Variants in CCND3 observed in about 807,000 individuals in gnomAD.
CCND3 encodes the protein cyclin D3.
CCND3 carries 9 observed loss-of-function variants against 28.7 expected under a neutral mutation model. That is an observed-to-expected ratio of 0.31 (90% confidence interval 0.19 to 0.55). CCND3 has a LOEUF of 0.55. Among genes scored for constraint, CCND3 ranks in the 20% least tolerant of loss-of-function variants. CCND3 has a pLI of 0.93. For missense variants in CCND3, 315 were observed against 385.8 expected, an observed-to-expected ratio of 0.82 and a Z score of 1.54; for synonymous variants, 164 against 163.9, an observed-to-expected ratio of 1.00 and a Z score of 0.00.
At position 42,048,192 on chromosome 6, in the gene CCND3, T is replaced by C; in HGVS notation, c.-46+309A>G. ...CACTGGTCTGCCCTCCTACTGGCCT[T>C]CCACCCCATCTTTGAGGCATGAGAA... On this transcript the variant is annotated intron_variant, in intron 1 of 4. Coordinates refer to the CCND3 transcript ENST00000372988. This position sits in a 1 kb window ranked among gnomAD's most constrained non-coding sequence, Gnocchi z 4.7. 4.4e-6 allele frequency: 1 copy of C among 228,290 alleles called. No homozygotes were observed. Among genetic ancestry groups the C allele is most frequent in the Non-Finnish European group, 8.8e-6 (1 of 114,062 alleles). 14.1% of individuals were successfully genotyped at this position (228,290 alleles called of 1,614,324 possible).
At chr6:42,043,832 T>A (rs1764443093) in intron 1 of CCND3, among the ~76,000 whole-genome samples, 1 of 152,070 alleles carries the variant, frequency 6.6e-6, no homozygotes, top group African/African-American at 2.4e-5. Flanking sequence ...CCAGCAACCG[T>A]CTCCTTCCAG....
intron 1 of CCND3, among the ~76,000 whole-genome samples, chr6:41,976,094 G>A (rs1277979651): frequency 6.6e-6 from 1 of 152,156 alleles, no homozygotes; most frequent in Non-Finnish European, 1.5e-5. Flanking sequence ...GCTCACACCT[G>A]TAATCCCAGC....
At position 41,938,480 on chromosome 6, in the gene CCND3, C is replaced by A. The variant is rs1172927709; in HGVS notation, c.415-1086G>T. On this transcript the variant is annotated intron_variant, in intron 2 of 4. Transcript: ENST00000372991. This position sits in a 1 kb window ranked among gnomAD's most constrained non-coding sequence, Gnocchi z 4.6. The stretch of plus-strand genomic sequence containing the variant: ...AGCCAGAAGTGAGACAGATAAATTA[C>A]AACGCTACCCCTAGTGCATGTCCCA... Among the ~76,000 whole-genome samples the A allele has an allele frequency of 3.3e-5, 5 of 152,142 alleles. No homozygotes were observed. Among genetic ancestry groups the A allele is most frequent in the African/African-American group, 1.2e-4 (5 of 41,414 alleles).
Position 41,941,148 on chromosome 6 carries a change from G to A in CCND3, c.198+304C>T, listed in dbSNP as rs1044232996. On this transcript the variant is annotated intron_variant, in intron 1 of 4. Coordinates refer to ENST00000372991, the MANE Select transcript of CCND3 (RefSeq NM_001760.5). This position sits in a 1 kb window ranked among gnomAD's most constrained non-coding sequence, Gnocchi z 6.1. Reference sequence around the variant, plus strand: ...CTCCGGAGAAGGCCGGGAGGCGGAGGGAAGCGGGAGACGCTGTGAGAAGCC... The same window carrying A: ...CTCCGGAGAAGGCCGGGAGGCGGAGAGAAGCGGGAGACGCTGTGAGAAGCC... The A allele has an allele frequency of 6.8e-7, 1 of 1,470,526 alleles. No homozygotes were observed. Among genetic ancestry groups the A allele is most frequent in the Non-Finnish European group, 9.0e-7 (1 of 1,116,082 alleles). The allele number at this position is 1,470,526 out of a possible 1,614,324, so 91.1% of individuals were successfully genotyped here.
In CCND3 at chr6:41,937,326, C is replaced by T. The variant is rs763464647; in HGVS notation, c.483G>A (p.Leu161=). The T allele has an allele frequency of 3.1e-6, 5 of 1,614,144 alleles. No individual in the cohort carries two copies. Among genetic ancestry groups the T allele is most frequent in the Non-Finnish European group, 4.2e-6 (5 of 1,180,028 alleles). Reference sequence around the variant, plus strand: ...GAGAGAGCCGGTGCAGAATGAAGGCCAGGAAATCATGTGCAATCACAGCAG... The same window carrying T: ...GAGAGAGCCGGTGCAGAATGAAGGCTAGGAAATCATGTGCAATCACAGCAG... ...DLAAVIAHDF[L]AFILHRLSLP... is the part of the protein sequence containing the mutation. The change falls in exon 3 of 5, where the codon CTG becomes CTA. Residue 161 remains leucine (L), a synonymous_variant. Transcript: ENST00000372991.
intron 1 of CCND3, among the ~76,000 whole-genome samples, chr6:41,963,040 C>A (rs1427935005): frequency 3.3e-5 from 5 of 152,184 alleles, no homozygotes; most frequent in Non-Finnish European, 7.3e-5. Context: ...CATGAGCCAC[C>A]ACGCCTGGCC....
intron 1 of CCND3, among the ~76,000 whole-genome samples, chr6:41,998,930 C>T (rs1044034959): frequency 9.2e-5 from 14 of 152,178 alleles, no homozygotes; most frequent in Admixed American, 3.3e-4. Context: ...CCGCCCGCCT[C>T]GGCCTCCCCA....
At chr6:42,020,114 TA>T (rs1763655453) in intron 1 of CCND3, among the ~76,000 whole-genome samples, 4 of 152,054 alleles carry the variant, frequency 2.6e-5, no homozygotes, top group South Asian at 4.2e-4. Flanking sequence ...CCGTCTCTAC[TA>T]AAAATGCAAA....
chr6:42,039,408 T>C (rs1764307535), intron 1 of CCND3, among the ~76,000 whole-genome samples: 2 of 152,178 alleles, frequency 1.3e-5, no homozygotes, highest in African/African-American at 4.8e-5. Flanking sequence ...TGTAGTCCTG[T>C]CCTCTGGACA....
intron 1 of CCND3, among the ~76,000 whole-genome samples, chr6:42,026,746 G>A (rs1231914219): frequency 6.6e-6 from 1 of 152,152 alleles, no homozygotes; most frequent in Non-Finnish European, 1.5e-5. Flanking sequence ...GATGTCATCT[G>A]GCAACTTTGA....
chr6:42,033,502 A>ACG (rs1373102908), intron 1 of CCND3, among the ~76,000 whole-genome samples: 1 of 150,788 alleles, frequency 6.6e-6, no homozygotes, highest in East Asian at 1.9e-4. Flanking sequence ...ACACACACAC[A>ACG]CACGCACACA....
intron 1 of CCND3, among the ~76,000 whole-genome samples, chr6:42,002,769 G>GCGTGAACC (rs1763051383): frequency 6.6e-6 from 1 of 151,030 alleles, no homozygotes; most frequent in Admixed American, 6.6e-5. Context: ...CAGGACAATG[G>GCGTGAACC]CGTGAACCCG....
chr6:41,937,047 A>T, intron 3 of CCND3, 188 bp downstream of exon 3: 1 of 650,748 alleles, frequency 1.5e-6, no homozygotes, highest in Non-Finnish European at 2.6e-6. Context: ...CCCACTACAA[A>T]CTGGAGGGGT....
chr6:41,979,448 G>A (rs1244316002), intron 1 of CCND3, among the ~76,000 whole-genome samples: 1 of 150,562 alleles, frequency 6.6e-6, no homozygotes, highest in Non-Finnish European at 1.5e-5. Flanking sequence ...GCAGGAGAAT[G>A]GCATGAACCT....
At chr6:42,011,554 G>A (rs1022279820) in intron 1 of CCND3, among the ~76,000 whole-genome samples, 3 of 152,122 alleles carry the variant, frequency 2.0e-5, no homozygotes, top group Non-Finnish European at 4.4e-5. Flanking sequence ...TTGACATAAT[G>A]GGCCCTAACT....
intron 1 of CCND3, among the ~76,000 whole-genome samples, chr6:41,982,880 GCAAAAA>G (rs1762388295): frequency 4.6e-5 from 1 of 21,732 alleles, no homozygotes; most frequent in Admixed American, 6.0e-4. Flanking sequence ...ACATCCACAT[GCAAAAA>G]AAAAAAAAAA....
intron 1 of CCND3, among the ~76,000 whole-genome samples, chr6:41,967,192 A>G (rs562433936): frequency 4.8e-4 from 73 of 152,274 alleles, no homozygotes; most frequent in Non-Finnish European, 6.2e-4. Context: ...GGAGAACGGC[A>G]TTTTGAAAGG....
chr6:42,015,084 C>A (rs996367895), intron 1 of CCND3, among the ~76,000 whole-genome samples: 7 of 152,164 alleles, frequency 4.6e-5, no homozygotes, highest in Non-Finnish European at 1.0e-4. Flanking sequence ...CTACAACAAT[C>A]CTTCCATTTC....
chr6:42,006,960 A>G (rs551331096), intron 1 of CCND3, among the ~76,000 whole-genome samples: 1 of 152,238 alleles, frequency 6.6e-6, no homozygotes, highest in South Asian at 2.1e-4. Flanking sequence ...AACACAATTC[A>G]TAGTATCTCA....
Sources: gnomAD v4.1 joint callset for allele counts (sites outside exome capture counted in the v4.1 genomes callset) on GRCh38, gnomAD v4.1.1 for gene constraint, Gnocchi (gnomAD v3.1) non-coding constraint, MANE v1.5 for transcripts, NCBI Gene and HGNC (gene_info 2026-07-23, HGNC 2026-07-21) for gene names.